USP47: variants seen among roughly 807,000 people sequenced by gnomAD.
The protein encoded by USP47 is ubiquitin carboxyl-terminal hydrolase 47.
A neutral mutation model predicts 165.1 loss-of-function variants in USP47; 35 were observed. The ratio of observed to expected loss-of-function variants is 0.21; its 90% confidence interval spans 0.16 to 0.28. The LOEUF is 0.28. Among genes scored for constraint, USP47 ranks in the 10% least tolerant of loss-of-function variants. The pLI is 1.00. For missense variants in USP47, 1,277 were observed against 1,607.4 expected (o/e 0.79, Z 3.52); for synonymous variants, 531 against 544.5 (o/e 0.98, Z 0.35).
chr11:11,929,095 G>A (rs1363371781), intron 11 of USP47, among the ~76,000 whole-genome samples: 1 of 151,884 alleles, frequency 6.6e-6, no homozygotes, highest in Non-Finnish European at 1.5e-5. Flanking sequence ...TATCGACTGT[G>A]TATTTTAGAA....
intron 3 of USP47, among the ~76,000 whole-genome samples, chr11:11,890,117 C>G (rs78900279): frequency 0.032 from 4,900 of 152,138 alleles, 261 homozygotes; most frequent in African/African-American, 0.11. Context: ...AAAATCTAGG[C>G]AATATTATTT....
At position 11,942,432 on chromosome 11, in the gene USP47, T is replaced by C; in HGVS notation, c.2411T>C (p.Leu804Ser). Residue 804 changes from leucine to serine, a missense_variant, in exon 20 of 28, where the codon TTA becomes TCA. Physicochemically the swap from Leu to Ser is moderately radical, Grantham distance 145. Around this residue, in one of 4 missense-constraint regions of USP47, gnomAD observed 909 missense variants for 1,068.1 expected, o/e 0.85. Coordinates refer to ENST00000527733, the MANE Select transcript of USP47 (RefSeq NM_001282659.2). The part of the protein sequence containing the change: ...LLDRHANTIR[L>S]FVLLPEQSPV... The stretch of plus-strand genomic sequence containing the variant: ...GATCGGCATGCAAATACAATCAGAT[T>C]ATTTGTTTTGCTACCTGAACAATCC... The C allele has an allele frequency of 2.5e-6, 4 of 1,613,558 alleles. No homozygotes were observed. The highest frequency in any genetic ancestry group is 3.4e-6 in the Non-Finnish European group (4 of 1,179,684).
chr11:11,945,405 A>G (rs1425550788), intron 20 of USP47, among the ~76,000 whole-genome samples: 1 of 152,246 alleles, frequency 6.6e-6, no homozygotes, highest in Non-Finnish European at 1.5e-5. Flanking sequence ...TATGCACAGT[A>G]TACGCAGTTC....
intron 8 of USP47, among the ~76,000 whole-genome samples, chr11:11,916,198 T>A (rs1853405880): frequency 6.6e-6 from 1 of 152,132 alleles, no homozygotes; most frequent in Non-Finnish European, 1.5e-5. Context: ...CCTGTAATCC[T>A]AGCACTTCGG....
At chr11:11,953,740 A>T (rs996374464) in intron 25 of USP47, among the ~76,000 whole-genome samples, 1 of 152,246 alleles carries the variant, frequency 6.6e-6, no homozygotes, top group Non-Finnish European at 1.5e-5. Flanking sequence ...ATTTATAGAA[A>T]AAGAAATACA....
intron 8 of USP47, among the ~76,000 whole-genome samples, chr11:11,910,509 C>T (rs1008083130): frequency 9.9e-5 from 15 of 152,018 alleles, no homozygotes; most frequent in African/African-American, 3.6e-4. Flanking sequence ...AGTGGGGAGC[C>T]TAGATTCTCT....
intron 1 of USP47, among the ~76,000 whole-genome samples, chr11:11,857,896 C>G (rs550415083): frequency 6.6e-6 from 1 of 152,232 alleles, no homozygotes; most frequent in Admixed American, 6.5e-5. Flanking sequence ...AGAAGTGCAG[C>G]TTTGTAACTT....
At chr11:11,918,944 C>T (rs941366811) in intron 8 of USP47, among the ~76,000 whole-genome samples, 2 of 151,474 alleles carry the variant, frequency 1.3e-5, no homozygotes, top group Non-Finnish European at 3.0e-5. Flanking sequence ...TTCCTTTTTC[C>T]CCCAAAAATA....
intron 7 of USP47, 71 bp from the exon 8 acceptor site, chr11:11,905,328 A>T: frequency 3.6e-6 from 4 of 1,126,044 alleles, no homozygotes; most frequent in Non-Finnish European, 4.8e-6. Flanking sequence ...CATTCTAAAA[A>T]GTGTAGAATG....
At chr11:11,901,375 G>A (rs1852218342) in intron 5 of USP47, among the ~76,000 whole-genome samples, 2 of 152,122 alleles carry the variant, frequency 1.3e-5, no homozygotes, top group African/African-American at 2.4e-5. Context: ...CATTAATATT[G>A]TTGTTACTTA....
chr11:11,846,447 C>T (rs1848431798), intron 1 of USP47, among the ~76,000 whole-genome samples: 1 of 152,038 alleles, frequency 6.6e-6, no homozygotes. Flanking sequence ...AAGTAGTGCT[C>T]ATGGACTCTA....
intron 1 of USP47, among the ~76,000 whole-genome samples, chr11:11,866,043 T>TTGC (rs1849659909): frequency 6.6e-6 from 1 of 152,186 alleles, no homozygotes; most frequent in Non-Finnish European, 1.5e-5. Flanking sequence ...TATTTTTCTT[T>TTGC]TGCTGCCTGT....
intron 1 of USP47, among the ~76,000 whole-genome samples, chr11:11,875,049 G>A (rs981577551): frequency 1.5e-4 from 22 of 150,364 alleles, no homozygotes; most frequent in African/African-American, 2.4e-4. Context: ...GTGTGTGTGT[G>A]TGTGTGTGTG....
At chr11:11,860,163 T>A (rs757555624) in intron 1 of USP47, among the ~76,000 whole-genome samples, 2 of 151,896 alleles carry the variant, frequency 1.3e-5, no homozygotes, top group Admixed American at 6.6e-5. Context: ...TTATTTATTT[T>A]TTTGAGATGG....
intron 1 of USP47, among the ~76,000 whole-genome samples, chr11:11,863,526 C>T (rs1397238863): frequency 1.3e-5 from 2 of 152,080 alleles, no homozygotes; most frequent in East Asian, 3.8e-4. Flanking sequence ...AAGTAAACAA[C>T]GTGAATTTTA....
At chr11:11,894,567 G>A (rs1338698079) in intron 4 of USP47, among the ~76,000 whole-genome samples, 2 of 152,186 alleles carry the variant, frequency 1.3e-5, no homozygotes, top group African/African-American at 4.8e-5. Flanking sequence ...TTCTGAGATA[G>A]CTACATTATT....
intron 1 of USP47, among the ~76,000 whole-genome samples, chr11:11,845,368 A>G (rs1453798824): frequency 6.6e-6 from 1 of 152,068 alleles, no homozygotes; most frequent in Admixed American, 6.6e-5. Flanking sequence ...ATTTTTCCAT[A>G]AGTACCTCAT....
chr11:11,843,630 TA>T (rs1468625623), intron 1 of USP47, among the ~76,000 whole-genome samples: 1 of 152,236 alleles, frequency 6.6e-6, no homozygotes, highest in Non-Finnish European at 1.5e-5. Context: ...TTTTCATTTT[TA>T]TAAAAAACAA....
intron 11 of USP47, 150 bp downstream of exon 11, chr11:11,923,041 CATATATATATATATATATATATAT>C (rs56976706): frequency 0.01 from 1,435 of 140,078 alleles, 49 homozygotes; most frequent in African/African-American, 0.034. Flanking sequence ...TTTTTTTGTA[CATATATATATATATATATATATAT>C]ATATATATAT....
Sources: allele counts gnomAD v4.1 joint callset (sites outside exome capture counted in the v4.1 genomes callset), GRCh38; gene constraint gnomAD v4.1.1; regional missense constraint gnomAD v4.1.1; transcripts MANE v1.5; gene names NCBI Gene and HGNC (gene_info 2026-07-23, HGNC 2026-07-21).